The following CNTN4 variants were observed in gnomAD, a reference collection of about 807,000 sequenced individuals.
CNTN4 encodes the protein contactin-4.
CNTN4 carries 77 observed loss-of-function variants against 122.5 expected under a neutral mutation model. The ratio of observed to expected loss-of-function variants is 0.63; its 90% CI spans 0.52 to 0.76. CNTN4 has a LOEUF of 0.76. Ranked by LOEUF, CNTN4 falls within the 30% of genes least tolerant of loss-of-function variation. The pLI, the probability that CNTN4 is intolerant of heterozygous loss-of-function variation, is 0.00. For synonymous variants in CNTN4, 512 were observed against 447.0 expected (o/e 1.15, Z -1.83); for missense variants, 1,256 against 1,259.1 (o/e 1.00, Z 0.04).
intron 24 of CNTN4, among the ~76,000 whole-genome samples, chr3:3,054,439 A>G (rs1035030789): frequency 1.3e-5 from 2 of 152,258 alleles, no homozygotes; most frequent in Non-Finnish European, 2.9e-5. Context: ...GGTATATGCA[A>G]CATGTGCATC....
At chr3:2,295,581 C>T (rs1286273481) in intron 2 of CNTN4, among the ~76,000 whole-genome samples, 1 of 151,894 alleles carries the variant, frequency 6.6e-6, no homozygotes, top group Non-Finnish European at 1.5e-5. Flanking sequence ...GATATTAGTC[C>T]TTTGTCAGAT....
At position 2,590,598 on chromosome 3, in the gene CNTN4, C is replaced by T. The variant is rs115788833; in HGVS notation, c.55+19040C>T. ...ATATAATGTCTTACATGAGTTGGTT[C>T]CTGCTGCCTTCTCTAACCTCATCTC... On this transcript the variant is annotated intron_variant, in intron 4 of 24. Coordinates refer to ENST00000418658, the MANE Select transcript of CNTN4 (RefSeq NM_175607.3). Among the ~76,000 whole-genome samples the T allele has an allele frequency of 4.9e-3, 749 of 151,976 alleles. 1 individual carries two copies. Among genetic ancestry groups the T allele is most frequent in the African/African-American group, 0.017 (700 of 41,438 alleles).
rs148273804 is a variant in CNTN4, at chr3:2,146,343, C to G, written c.-145+45704C>G. Among the ~76,000 whole-genome samples the G allele has an allele frequency of 1.1e-4, 16 of 151,094 alleles. No homozygotes were observed. The East Asian group carries it at 2.4e-3, about 22-fold the overall frequency. On this transcript the variant is annotated intron_variant, in intron 2 of 24. Coordinates refer to ENST00000418658, the MANE Select transcript of CNTN4 (RefSeq NM_175607.3). ...AGTAAAATTTATTTCTAAAGGTAAC[C>G]TGAGTAATATCTCTATGTTGTAGAT...
At chr3:2,831,232 A>G (rs1201486593) in intron 7 of CNTN4, among the ~76,000 whole-genome samples, 1 of 152,234 alleles carries the variant, frequency 6.6e-6, no homozygotes, top group Non-Finnish European at 1.5e-5. Flanking sequence ...TAATATCAAA[A>G]TACTGATTTA....
At chr3:2,890,089 G>A (rs1195142042) in intron 10 of CNTN4, among the ~76,000 whole-genome samples, 1 of 152,198 alleles carries the variant, frequency 6.6e-6, no homozygotes, top group Admixed American at 6.5e-5. Flanking sequence ...TGTCAGCCAC[G>A]CTTGGTGTTA....
intron 13 of CNTN4, among the ~76,000 whole-genome samples, chr3:2,965,793 G>T (rs1337050027): frequency 6.6e-6 from 1 of 152,102 alleles, no homozygotes; most frequent in Non-Finnish European, 1.5e-5. Context: ...CACAGTTAAT[G>T]CTCTGACAAT....
At position 2,395,832 on chromosome 3, in the gene CNTN4, G is replaced by A. The variant is rs138077533; in HGVS notation, c.-89+56599G>A. On this transcript the variant is annotated intron_variant, in intron 3 of 24. Coordinates refer to ENST00000418658, the MANE Select transcript of CNTN4 (RefSeq NM_175607.3). ...AGAACTATACCCTTTAGATTGTTGC[G>A]GTTTACCATATGTGAAGTATTGTTC... Among the ~76,000 whole-genome samples the A allele has an allele frequency of 4.4e-3, 670 of 152,008 alleles. 4 individuals are homozygous for A. Among genetic ancestry groups the A allele is most frequent in the African/African-American group, 8.6e-3 (355 of 41,440 alleles).
At chr3:2,570,077 G>A (rs7640066) in intron 3 of CNTN4, among the ~76,000 whole-genome samples, 5,688 of 152,088 alleles carry the variant, frequency 0.037, 310 homozygotes, top group African/African-American at 0.13. Flanking sequence ...ATGAGTGGAT[G>A]AGAGGAACCA....
intron 3 of CNTN4, among the ~76,000 whole-genome samples, chr3:2,434,836 T>C (rs2048203587): frequency 6.6e-6 from 1 of 152,152 alleles, no homozygotes; most frequent in Non-Finnish European, 1.5e-5. Flanking sequence ...CCTCTTCCTA[T>C]ATGCTGTTAA....
chr3:2,630,474 T>G (rs1268293157), intron 4 of CNTN4, among the ~76,000 whole-genome samples: 2 of 152,202 alleles, frequency 1.3e-5, no homozygotes, highest in Non-Finnish European at 2.9e-5. Flanking sequence ...ATTTACAATC[T>G]GTATATCTAT....
chr3:2,331,510 C>A (rs868350759), intron 2 of CNTN4, among the ~76,000 whole-genome samples: 5 of 152,178 alleles, frequency 3.3e-5, no homozygotes, highest in African/African-American at 1.2e-4. Context: ...ACTTTGCCAA[C>A]AAATTACCTT....
chr3:2,241,624 G>A (rs1407136258), intron 2 of CNTN4, among the ~76,000 whole-genome samples: 3 of 152,078 alleles, frequency 2.0e-5, no homozygotes, highest in East Asian at 3.9e-4. Flanking sequence ...GGTCACTACC[G>A]TCAGCTTGTC....
At position 2,729,543 on chromosome 3, in the gene CNTN4, C is replaced by CAAA. The variant is rs377584644; in HGVS notation, c.56-6654_56-6652dup. ...TGGGCAACAGAGTGAGACTCCATCT[C>CAAA]AAAAAAAAAAAAAAAAAAAAGAAGA... On this transcript the variant is annotated intron_variant, in intron 4 of 24. Coordinates refer to ENST00000418658, the MANE Select transcript of CNTN4 (RefSeq NM_175607.3). 2.3e-3 allele frequency among the ~76,000 whole-genome samples: 164 copies of CAAA among 69,898 alleles called. 3 individuals are homozygous for CAAA. Among genetic ancestry groups the CAAA allele is most frequent in the African/African-American group, 8.9e-3 (137 of 15,416 alleles). 45.9% of individuals were successfully genotyped at this position (69,898 alleles called of 152,430 possible). A position where few individuals can be genotyped will look rare whatever the true frequency, so the allele number is the denominator to read the frequency against.
At chr3:2,895,965 A>G (rs566432353) in intron 10 of CNTN4, among the ~76,000 whole-genome samples, 111 of 152,278 alleles carry the variant, frequency 7.3e-4, no homozygotes, top group South Asian at 1.2e-3. Context: ...CCCAGAAGGC[A>G]GAGTTTGCAG....
chr3:3,018,520 G>C (rs1241877971), intron 14 of CNTN4, among the ~76,000 whole-genome samples: 1 of 152,166 alleles, frequency 6.6e-6, no homozygotes, highest in African/African-American at 2.4e-5. Flanking sequence ...AGGTTGGAGA[G>C]CTCTATGGAG....
chr3:2,682,291 A>T (rs991096491), intron 4 of CNTN4, among the ~76,000 whole-genome samples: 3 of 152,198 alleles, frequency 2.0e-5, no homozygotes, highest in Non-Finnish European at 2.9e-5. Context: ...AACCTTTTCT[A>T]CCTGTGGGCT....
intron 4 of CNTN4, among the ~76,000 whole-genome samples, chr3:2,677,013 C>T (rs2600277): frequency 0.47 from 71,663 of 151,628 alleles, 17,639 homozygotes; most frequent in African/African-American, 0.6. Flanking sequence ...AGTATCTGTC[C>T]GAGGAATACT....
rs539558505 is a variant in CNTN4, at chr3:2,955,162, C to T, written c.1358+29383C>T. Among the ~76,000 whole-genome samples the T allele has an allele frequency of 2.6e-5, 4 of 152,274 alleles. No homozygotes were observed. The South Asian group carries it at 8.3e-4, about 32-fold the overall frequency. ...ACTAAAAAACGGTAGACAGAAGAGA[C>T]AGCCAGGTGCTCACCAAAATCTTAC... is the stretch of plus-strand genomic sequence containing the variant. On this transcript the variant is annotated intron_variant, in intron 13 of 24. Coordinates refer to ENST00000418658, the MANE Select transcript of CNTN4 (RefSeq NM_175607.3).
intron 4 of CNTN4, among the ~76,000 whole-genome samples, chr3:2,647,331 A>G (rs569887562): frequency 6.6e-6 from 1 of 152,138 alleles, no homozygotes; most frequent in African/African-American, 2.4e-5. Context: ...CAGTGAGCCG[A>G]GATTACACCA....
Sources: gnomAD v4.1 joint callset for allele counts (sites outside exome capture counted in the v4.1 genomes callset) on GRCh38, gnomAD v4.1.1 for gene constraint, MANE v1.5 for transcripts, NCBI Gene and HGNC (gene_info 2026-07-23, HGNC 2026-07-21) for gene names.